PLEKHM2: variants seen among roughly 807,000 people sequenced by gnomAD.
The protein encoded by PLEKHM2 is pleckstrin homology domain-containing family M member 2.
A neutral mutation model predicts 116.3 loss-of-function variants in PLEKHM2; 77 were observed. The ratio of observed to expected loss-of-function variants is 0.66; its 90% CI spans 0.55 to 0.80. The LOEUF (loss-of-function observed/expected upper bound fraction) is 0.80, where lower values mean the gene tolerates loss of function less well. PLEKHM2 is among the 30% of genes least tolerant of loss of function. The pLI, the probability that PLEKHM2 is intolerant of heterozygous loss-of-function variation, is 0.00. For missense variants in PLEKHM2, 1,183 were observed against 1,354.9 expected, an observed-to-expected ratio of 0.87 and a Z score of 1.99; for synonymous variants, 562 against 571.0, an observed-to-expected ratio of 0.98 and a Z score of 0.22.
In PLEKHM2 at chr1:15,733,452, C is replaced by T. The variant is rs139750617; in HGVS notation, c.2923-345C>T. Among the ~76,000 whole-genome samples, 466 of 152,356 alleles carry T rather than the reference C, an allele frequency of 3.1e-3. 4 individuals are homozygous for T. The highest frequency in any genetic ancestry group is 0.011 in the African/African-American group (447 of 41,580). ...ACAAGCGGGTTTTGAGCACATGCTA[C>T]GCTCTAGCCCCGTGGAAGCCTGGAC... On this transcript the variant is annotated intron_variant, in intron 19 of 19. Coordinates refer to ENST00000375799, the MANE Select transcript of PLEKHM2 (RefSeq NM_015164.4).
intron 1 of PLEKHM2, among the ~76,000 whole-genome samples, chr1:15,712,375 T>G (rs895137256): frequency 2.1e-4 from 32 of 152,176 alleles, no homozygotes; most frequent in African/African-American, 7.7e-4. Flanking sequence ...AGTCAGACAT[T>G]CTAGACGGCC....
At position 15,725,480 on chromosome 1, in the gene PLEKHM2, T is replaced by C; in HGVS notation, c.876T>C (p.Ser292=). 6.3e-7 allele frequency: 1 copy of C among 1,581,192 alleles called. No homozygotes were observed. The highest frequency in any genetic ancestry group is 1.7e-4 in the Middle Eastern group (1 of 6,018). Reference sequence around the variant, plus strand: ...ACACCACCCCCGTGCACACCACCTCTCAGGAGAAGGAGGAGGCCCAGGCCC... The same window carrying C: ...ACACCACCCCCGTGCACACCACCTCCCAGGAGAAGGAGGAGGCCCAGGCCC... ...SSDTTPVHTT[S]QEKEEAQALD... Residue 292 remains serine (S), a synonymous_variant, in exon 8 of 20, where the codon TCT becomes TCC. Transcript: ENST00000375799.
At chr1:15,688,085 A>G (rs1481144515) in intron 1 of PLEKHM2, among the ~76,000 whole-genome samples, 3 of 152,222 alleles carry the variant, frequency 2.0e-5, no homozygotes, top group African/African-American at 7.2e-5. Flanking sequence ...CACCCTGACC[A>G]AGAAACAGAA....
At chr1:15,693,985 G>C (rs1640939551) in intron 1 of PLEKHM2, among the ~76,000 whole-genome samples, 2 of 152,162 alleles carry the variant, frequency 1.3e-5, no homozygotes, top group Admixed American at 6.5e-5. Context: ...AGCTGGCAGT[G>C]CCCTTCTGTC....
chr1:15,718,108 A>G (rs570664661), intron 4 of PLEKHM2, 116 bp downstream of exon 4: 1 of 705,822 alleles, frequency 1.4e-6, no homozygotes, highest in African/African-American at 1.8e-5. Flanking sequence ...CCAGAGAGCC[A>G]TTAGAACCTT....
chr1:15,706,769 C>A (rs986415851), intron 1 of PLEKHM2, among the ~76,000 whole-genome samples: 4 of 152,158 alleles, frequency 2.6e-5, no homozygotes, highest in Non-Finnish European at 4.4e-5. Context: ...CACCCTGCTT[C>A]ATTTTTTTCA....
intron 2 of PLEKHM2, 115 bp downstream of exon 2, chr1:15,716,458 G>C: frequency 1.4e-6 from 1 of 731,090 alleles, no homozygotes; most frequent in Admixed American, 2.6e-5. Context: ...TTGGCAGAAA[G>C]GGATTTGTCC....
intron 16 of PLEKHM2, 131 bp from the exon 17 acceptor site, chr1:15,731,758 C>A: frequency 1.3e-6 from 1 of 747,366 alleles, no homozygotes; most frequent in Non-Finnish European, 2.1e-6. Context: ...CTGGAGAACC[C>A]TCTGGTATCC....
At chr1:15,707,568 T>G (rs1283938062) in intron 1 of PLEKHM2, among the ~76,000 whole-genome samples, 1 of 152,186 alleles carries the variant, frequency 6.6e-6, no homozygotes, top group African/African-American at 2.4e-5. Context: ...CTCCCACGAA[T>G]TCTGAGATTT....
chr1:15,701,673 C>T (rs2148341628), intron 1 of PLEKHM2, among the ~76,000 whole-genome samples: 1 of 152,024 alleles, frequency 6.6e-6, no homozygotes, highest in East Asian at 1.9e-4. Context: ...CGCCTGTAGT[C>T]CCAGCTGCTT....
intron 1 of PLEKHM2, among the ~76,000 whole-genome samples, chr1:15,696,824 C>A (rs1469151320): frequency 1.3e-5 from 2 of 152,198 alleles, no homozygotes; most frequent in African/African-American, 4.8e-5. Context: ...TCCCTAATGT[C>A]CTTTACTATC....
chr1:15,710,571 C>T (rs1641312467), intron 1 of PLEKHM2, among the ~76,000 whole-genome samples: 1 of 152,006 alleles, frequency 6.6e-6, no homozygotes, highest in Non-Finnish European at 1.5e-5. Flanking sequence ...AGGTGATCCG[C>T]CTGCTTTGGC....
chr1:15,694,691 C>T lies in PLEKHM2; in HGVS notation c.60+10073C>T, dbSNP rs1640956265. On this transcript the variant is annotated intron_variant, in intron 1 of 19. Coordinates refer to ENST00000375799, the MANE Select transcript of PLEKHM2 (RefSeq NM_015164.4). ...CAGGGTCCTGAGAGCTTCTCCTAAC[C>T]TCTTGCCAGTGAAGCAGGTGGCCCT... Among the ~76,000 whole-genome samples the T allele has an allele frequency of 2.6e-5, 4 of 151,994 alleles. No homozygotes were observed. The South Asian group carries it at 8.3e-4, about 31-fold the overall frequency.
At chr1:15,726,707 G>A (rs930430296) in intron 8 of PLEKHM2, among the ~76,000 whole-genome samples, 5 of 152,180 alleles carry the variant, frequency 3.3e-5, no homozygotes, top group Non-Finnish European at 7.3e-5. Context: ...TTCCTAGAGT[G>A]CAGCTAGCTC....
In PLEKHM2 at chr1:15,721,530, TG is replaced by T; in HGVS notation, c.712+144del. The T allele has an allele frequency of 1.7e-6, 1 of 588,490 alleles. No homozygotes were observed. Among genetic ancestry groups the T allele is most frequent in the Non-Finnish European group, 3.0e-6 (1 of 337,702 alleles). 36.5% of individuals were successfully genotyped at this position (588,490 alleles called of 1,614,324 possible). On this transcript the variant is annotated intron_variant, in intron 7 of 19. Transcript: ENST00000375799. The surrounding 1 kb of genome is among the most constrained non-coding windows in gnomAD (Gnocchi z 5.1). ...AAGCCAAGTTTGGTGTTCTAATAGA[TG>T]GAATTCTGCAGTGGGAAAACTCAAC...
In PLEKHM2 at chr1:15,725,401, C is replaced by T. The variant is rs1451313225; in HGVS notation, c.797C>T (p.Thr266Ile). ...TSSKASTRSP[T>I]QRQNPFNEEP... is the part of the protein sequence containing the mutation. The stretch of plus-strand genomic sequence containing the variant: ...AGCAAGGCCTCCACCAGGAGCCCCA[C>T]CCAGCGCCAGAACCCCTTCAACGAG... The change falls in exon 8 of 20, where the codon ACC (threonine) becomes ATC (isoleucine). Residue 266 changes from threonine (T) to isoleucine (I), a missense_variant. Physicochemically the swap from Thr to Ile is moderately conservative, Grantham distance 89. Around this residue, in one of 3 missense-constraint regions of PLEKHM2, gnomAD observed 372 missense variants for 357.2 expected, o/e 1.04. Coordinates refer to ENST00000375799, the MANE Select transcript of PLEKHM2 (RefSeq NM_015164.4). 11 of 1,553,090 alleles carry T rather than the reference C, an allele frequency of 7.1e-6. No individual in the cohort carries two copies. The South Asian group carries it at 1.1e-4, about 15-fold the overall frequency.
At chr1:15,693,558 T>TA (rs1287119392) in intron 1 of PLEKHM2, among the ~76,000 whole-genome samples, 3 of 152,190 alleles carry the variant, frequency 2.0e-5, no homozygotes, top group African/African-American at 4.8e-5. Flanking sequence ...CACTGGGGTT[T>TA]AACAGAAACA....
chr1:15,684,642 CG>C, intron 1 of PLEKHM2, 24 bp downstream of exon 1: 7 of 1,241,898 alleles, frequency 5.6e-6, no homozygotes, highest in South Asian at 3.2e-5. Context: ...CCCTCCCGGC[CG>C]GGGCCCCTTC....
intron 1 of PLEKHM2, among the ~76,000 whole-genome samples, chr1:15,693,486 C>T (rs1640928286): frequency 6.6e-6 from 1 of 152,228 alleles, no homozygotes; most frequent in South Asian, 2.1e-4. Context: ...ATGGTTTGGC[C>T]ATGGCTTAGG....
Sources: gnomAD v4.1 joint callset for allele counts (sites outside exome capture counted in the v4.1 genomes callset) on GRCh38, gnomAD v4.1.1 for gene constraint, gnomAD v4.1.1 regional missense constraint, Gnocchi (gnomAD v3.1) non-coding constraint, MANE v1.5 for transcripts, NCBI Gene and HGNC (gene_info 2026-07-23, HGNC 2026-07-21) for gene names.